NEK11: variants seen among roughly 807,000 people sequenced by gnomAD.
The protein encoded by NEK11 is serine/threonine-protein kinase Nek11.
In NEK11, 72 loss-of-function variants were observed where a neutral mutation model predicts 80.7. That is an observed-to-expected ratio of 0.89 (90% confidence interval 0.74 to 1.08). The LOEUF (loss-of-function observed/expected upper bound fraction) is 1.08. NEK11 is among the 50% of genes least tolerant of loss of function. The pLI is 0.00. For synonymous variants in NEK11, 251 were observed against 260.7 expected (o/e 0.96, Z 0.36); for missense variants, 764 against 763.6 (o/e 1.00, Z -0.01).
At chr3:131,265,087 T>C (rs1461322407) in intron 16 of NEK11, among the ~76,000 whole-genome samples, 1 of 152,248 alleles carries the variant, frequency 6.6e-6, no homozygotes, top group Non-Finnish European at 1.5e-5. Context: ...TTTGCTGAAG[T>C]TGCTTATCAG....
chr3:131,114,028 G>A (rs1455010862), intron 5 of NEK11, among the ~76,000 whole-genome samples: 1 of 151,848 alleles, frequency 6.6e-6, no homozygotes, highest in African/African-American at 2.4e-5. Flanking sequence ...TGAGGAGGGG[G>A]AGGAAGTTGG....
chr3:131,206,009 G>A (rs2094431395), intron 14 of NEK11, among the ~76,000 whole-genome samples: 1 of 152,188 alleles, frequency 6.6e-6, no homozygotes, highest in Admixed American at 6.5e-5. Context: ...GTATAAGTAA[G>A]GAAAATGATT....
chr3:131,128,324 C>G (rs1456123718), intron 5 of NEK11, among the ~76,000 whole-genome samples: 1 of 152,128 alleles, frequency 6.6e-6, no homozygotes, highest in East Asian at 1.9e-4. Flanking sequence ...ATTCTTCCCT[C>G]CCTCTTAAAC....
intron 14 of NEK11, among the ~76,000 whole-genome samples, chr3:131,213,051 A>T (rs2094689367): frequency 6.6e-6 from 1 of 152,170 alleles, no homozygotes; most frequent in Admixed American, 6.5e-5. Context: ...CTTTGGACTT[A>T]AGGTTGCAAC....
chr3:131,107,973 G>A (rs1321122757), intron 4 of NEK11, among the ~76,000 whole-genome samples: 1 of 152,070 alleles, frequency 6.6e-6, no homozygotes, highest in Non-Finnish European at 1.5e-5. Context: ...AAGAAATAAA[G>A]GCAGGTTTGA....
intron 3 of NEK11, among the ~76,000 whole-genome samples, chr3:131,070,792 G>A (rs955373972): frequency 1.3e-5 from 2 of 152,186 alleles, no homozygotes; most frequent in Non-Finnish European, 2.9e-5. Flanking sequence ...GGAGACAAAA[G>A]TCTATTCTTC....
chr3:131,047,011 A>G (rs1016312837), intron 3 of NEK11, among the ~76,000 whole-genome samples: 1 of 152,110 alleles, frequency 6.6e-6, no homozygotes, highest in African/African-American at 2.4e-5. Flanking sequence ...TGTCTTTTTC[A>G]GATTAGATTA....
intron 17 of NEK11, among the ~76,000 whole-genome samples, chr3:131,282,633 C>T (rs1254867070): frequency 2.0e-5 from 3 of 152,134 alleles, no homozygotes; most frequent in Admixed American, 2.0e-4. Flanking sequence ...GAGGTCAGAC[C>T]TCATAACTGA....
At chr3:131,105,146 G>A (rs2078997467) in intron 4 of NEK11, among the ~76,000 whole-genome samples, 2 of 152,154 alleles carry the variant, frequency 1.3e-5, no homozygotes, top group Admixed American at 1.3e-4. Flanking sequence ...CAGCCATCAT[G>A]GCATTTCTTT....
At chr3:131,341,199 C>A (rs147618549) in intron 17 of NEK11, among the ~76,000 whole-genome samples, 2 of 152,140 alleles carry the variant, frequency 1.3e-5, no homozygotes, top group African/African-American at 4.8e-5. Context: ...TAAATTTACA[C>A]GGCAATATTC....
intron 14 of NEK11, among the ~76,000 whole-genome samples, chr3:131,213,407 T>A (rs1364890738): frequency 6.6e-6 from 1 of 152,206 alleles, no homozygotes; most frequent in Non-Finnish European, 1.5e-5. Flanking sequence ...TAGGATTTTA[T>A]TGAAGAGAAA....
At chr3:131,282,820 G>T (rs1281290090) in intron 17 of NEK11, among the ~76,000 whole-genome samples, 7 of 150,696 alleles carry the variant, frequency 4.6e-5, no homozygotes, top group South Asian at 4.2e-4. Flanking sequence ...AAAAATGATG[G>T]TGAGACATTA....
chr3:131,061,246 A>G (rs1344175940), intron 3 of NEK11, among the ~76,000 whole-genome samples: 2 of 152,214 alleles, frequency 1.3e-5, no homozygotes, highest in Non-Finnish European at 2.9e-5. Context: ...AACATGATCT[A>G]TGCTGTTCTA....
chr3:131,226,346 T>C (rs2095195774), intron 14 of NEK11, among the ~76,000 whole-genome samples: 1 of 152,194 alleles, frequency 6.6e-6, no homozygotes, highest in Non-Finnish European at 1.5e-5. Context: ...ACATGGCTTC[T>C]AGTCATTACA....
chr3:131,298,793 G>C (rs980454874), intron 17 of NEK11, among the ~76,000 whole-genome samples: 2 of 151,986 alleles, frequency 1.3e-5, no homozygotes, highest in Non-Finnish European at 2.9e-5. Flanking sequence ...GTTGTCGTCT[G>C]ACATCAATTT....
intron 7 of NEK11, among the ~76,000 whole-genome samples, chr3:131,143,816 A>G (rs62284205): frequency 0.15 from 23,183 of 152,056 alleles, 1,833 homozygotes; most frequent in Non-Finnish European, 0.17. Flanking sequence ...TTAATACTCA[A>G]TTCTACCTAA....
rs2091744263 is a variant in NEK11, at chr3:131,162,512, A to C, written c.1067A>C (p.Lys356Thr). The change falls in exon 11 of 18, where the codon AAA becomes ACA. Residue 356 changes from lysine to threonine, a missense_variant. By Grantham distance (78) the Lys-to-Thr change is moderately conservative. Coordinates refer to ENST00000383366, the MANE Select transcript of NEK11 (RefSeq NM_024800.5). ...AGGAAGCTCCAGGCGGCTGATGAGA[A>C]AGCCAGGAAGCTGAAGTAAGCTGCT... The part of the protein sequence containing the change: ...RLRKLQAADE[K>T]ARKLKKIVEE... 4 of 1,613,972 alleles carry C rather than the reference A, an allele frequency of 2.5e-6. No homozygotes were observed. The Admixed American group carries it at 6.7e-5, about 27-fold the overall frequency.
intron 3 of NEK11, among the ~76,000 whole-genome samples, chr3:131,074,655 G>T (rs2074036701): frequency 6.6e-6 from 1 of 152,168 alleles, no homozygotes; most frequent in South Asian, 2.1e-4. Context: ...AAATGGTAAA[G>T]AATGATACAT....
intron 17 of NEK11, among the ~76,000 whole-genome samples, chr3:131,342,614 T>C (rs973159991): frequency 2.0e-5 from 3 of 151,564 alleles, no homozygotes; most frequent in African/African-American, 4.9e-5. Flanking sequence ...TTAACCAAGA[T>C]AGAGCTACAA....
Sources: allele counts gnomAD v4.1 joint callset (sites outside exome capture counted in the v4.1 genomes callset), GRCh38; gene constraint gnomAD v4.1.1; transcripts MANE v1.5; gene names NCBI Gene and HGNC (gene_info 2026-07-23, HGNC 2026-07-21).